GALNT17: variants seen among roughly 807,000 people sequenced by gnomAD.
The protein encoded by GALNT17 is UDP-GalNAc:polypeptide N-acetylgalactosaminyltransferase-like 3.
In GALNT17, 29 loss-of-function variants were observed where a neutral mutation model predicts 63.7. The observed-to-expected ratio is 0.46, with a 90% CI of 0.34 to 0.62. GALNT17 has a LOEUF of 0.62. GALNT17 is among the 20% of genes least tolerant of loss of function. GALNT17 has a pLI of 0.01. For synonymous variants in GALNT17, 305 were observed against 318.3 expected (o/e 0.96, Z 0.45); for missense variants, 603 against 799.6 (o/e 0.75, Z 2.97).
chr7:71,529,972 A>G (rs1788686900), intron 5 of GALNT17, among the ~76,000 whole-genome samples: 1 of 152,270 alleles, frequency 6.6e-6, no homozygotes, highest in Admixed American at 6.5e-5. Flanking sequence ...GTTTAAAAAT[A>G]GAGATTAATT....
intron 1 of GALNT17, among the ~76,000 whole-genome samples, chr7:71,180,238 G>A (rs894789890): frequency 6.6e-6 from 1 of 151,928 alleles, no homozygotes; most frequent in African/African-American, 2.4e-5. Flanking sequence ...CGATTCTCCT[G>A]CCTCAGCCTC....
At chr7:71,469,418 CA>C (rs1475894073) in intron 5 of GALNT17, among the ~76,000 whole-genome samples, 1 of 152,230 alleles carries the variant, frequency 6.6e-6, no homozygotes, top group Non-Finnish European at 1.5e-5. Flanking sequence ...TTTAACTGAG[CA>C]AAGAACGATT....
intron 1 of GALNT17, among the ~76,000 whole-genome samples, chr7:71,293,438 C>T (rs1408890906): frequency 6.6e-6 from 1 of 152,114 alleles, no homozygotes; most frequent in East Asian, 1.9e-4. Flanking sequence ...ATTTCCGTTT[C>T]CCTGAGAGTT....
intron 1 of GALNT17, among the ~76,000 whole-genome samples, chr7:71,319,761 T>C (rs1296223382): frequency 6.6e-6 from 1 of 152,208 alleles, no homozygotes; most frequent in Admixed American, 6.5e-5. Context: ...AAGCCGTACA[T>C]GTATAAGTGA....
intron 9 of GALNT17, among the ~76,000 whole-genome samples, chr7:71,709,311 GTGA>G (rs1316597997): frequency 2.0e-5 from 3 of 152,190 alleles, no homozygotes; most frequent in African/African-American, 7.2e-5. Context: ...CTGATGATTA[GTGA>G]TGATGAGCAT....
intron 9 of GALNT17, among the ~76,000 whole-genome samples, chr7:71,691,576 A>G (rs549095097): frequency 7.9e-5 from 12 of 152,242 alleles, no homozygotes; most frequent in African/African-American, 2.7e-4. Flanking sequence ...TTGATGAGCT[A>G]TTCTTTCCAG....
At chr7:71,686,043 C>T (rs1212425244) in intron 9 of GALNT17, among the ~76,000 whole-genome samples, 3 of 145,548 alleles carry the variant, frequency 2.1e-5, no homozygotes, top group Non-Finnish European at 3.0e-5. Context: ...CAACCTCCGC[C>T]TCCTGCGTTC....
At chr7:71,630,310 C>T (rs905105790) in intron 6 of GALNT17, among the ~76,000 whole-genome samples, 12 of 152,182 alleles carry the variant, frequency 7.9e-5, no homozygotes, top group Admixed American at 5.9e-4. Flanking sequence ...GAACAGCCTT[C>T]GCTTGGCAAA....
At chr7:71,315,836 A>C (rs1280565237) in intron 1 of GALNT17, among the ~76,000 whole-genome samples, 1 of 152,114 alleles carries the variant, frequency 6.6e-6, no homozygotes, top group East Asian at 1.9e-4. Flanking sequence ...CATCAAGGGC[A>C]CTTTCTCAGA....
rs555298370 is a variant in GALNT17, at chr7:71,191,022, T to G, written c.238+57982T>G. Among the ~76,000 whole-genome samples the G allele has an allele frequency of 2.2e-4, 34 of 152,250 alleles. No individual in the cohort carries two copies. The East Asian group carries it at 6.4e-3, about 29-fold the overall frequency. ...CAGAGGTAAGATCCTGCCCTTGTGT[T>G]TCTTGGAATTTTTTTCATTTTTTGG... On this transcript the variant is annotated intron_variant, in intron 1 of 10. Transcript: ENST00000333538.
chr7:71,691,916 CT>C (rs1791450482), intron 9 of GALNT17, among the ~76,000 whole-genome samples: 1 of 150,734 alleles, frequency 6.6e-6, no homozygotes, highest in Non-Finnish European at 1.5e-5. Flanking sequence ...TTCTCTCTTT[CT>C]TTTTTTCTTT....
At chr7:71,690,707 G>T (rs957918714) in intron 9 of GALNT17, among the ~76,000 whole-genome samples, 2 of 152,200 alleles carry the variant, frequency 1.3e-5, no homozygotes, top group Non-Finnish European at 2.9e-5. Context: ...GAGTGTGGAA[G>T]AAGTGGATTC....
At chr7:71,410,026 G>A (rs983930050) in intron 3 of GALNT17, among the ~76,000 whole-genome samples, 2 of 152,138 alleles carry the variant, frequency 1.3e-5, no homozygotes, top group Admixed American at 6.5e-5. Flanking sequence ...TGCAGGACAT[G>A]AAAGAATATC....
chr7:71,388,222 T>C lies in GALNT17; in HGVS notation c.423-13T>C. The stretch of plus-strand genomic sequence containing the variant: ...TTCCTCTGACTCTGCATTTCCGATC[T>C]CTCCTTCCCCAGGTGTAAGGAGCTC... On this transcript the variant is annotated splice_polypyrimidine_tract_variant and intron_variant, in intron 2 of 10. Coordinates refer to ENST00000333538, the MANE Select transcript of GALNT17 (RefSeq NM_022479.3). 1 of 1,610,144 alleles carries C rather than the reference T, an allele frequency of 6.2e-7. No individual in the cohort carries two copies. The highest frequency in any genetic ancestry group is 1.1e-5 in the South Asian group (1 of 90,688).
chr7:71,520,397 C>T (rs1482899033), intron 5 of GALNT17, among the ~76,000 whole-genome samples: 1 of 152,078 alleles, frequency 6.6e-6, no homozygotes, highest in African/African-American at 2.4e-5. Flanking sequence ...GTGGTGCAGA[C>T]CTGTAATCCC....
At chr7:71,412,824 C>G (rs151245666) in intron 3 of GALNT17, among the ~76,000 whole-genome samples, 2 of 152,162 alleles carry the variant, frequency 1.3e-5, no homozygotes, top group East Asian at 1.9e-4. Context: ...AGGGGGATCA[C>G]TTGAGGCCAA....
chr7:71,362,465 A>G (rs1186084632), intron 2 of GALNT17, among the ~76,000 whole-genome samples: 1 of 152,228 alleles, frequency 6.6e-6, no homozygotes, highest in Non-Finnish European at 1.5e-5. Context: ...AAATGGCAGT[A>G]TAAGTAATTC....
chr7:71,229,046 T>TG (rs1250753149), intron 1 of GALNT17, among the ~76,000 whole-genome samples: 1 of 152,196 alleles, frequency 6.6e-6, no homozygotes, highest in African/African-American at 2.4e-5. Context: ...AATTCAACAG[T>TG]GGCCGCCTGG....
intron 1 of GALNT17, among the ~76,000 whole-genome samples, chr7:71,157,764 C>A (rs973447277): frequency 6.6e-6 from 1 of 151,544 alleles, no homozygotes; most frequent in Non-Finnish European, 1.5e-5. Context: ...CTTTTTTTCT[C>A]CACCATTCCT....
Sources: gnomAD v4.1 joint callset for allele counts (sites outside exome capture counted in the v4.1 genomes callset) on GRCh38, gnomAD v4.1.1 for gene constraint, MANE v1.5 for transcripts, NCBI Gene and HGNC (gene_info 2026-07-23, HGNC 2026-07-21) for gene names.